SEMA6D: variants seen among roughly 807,000 people sequenced by gnomAD.
SEMA6D encodes semaphorin 6D.
Under a neutral mutation model 106.6 loss-of-function variants are expected in SEMA6D, and 35 were observed. That is an observed-to-expected ratio of 0.33 (90% CI 0.25 to 0.44). The LOEUF (loss-of-function observed/expected upper bound fraction) is 0.44, where lower values mean the gene tolerates loss of function less well. Ranked by LOEUF, SEMA6D falls within the 20% of genes least tolerant of loss-of-function variation. The probability of loss-of-function intolerance (pLI) is 1.00; values close to 1 mark genes in which losing one functional copy is unlikely to be tolerated. For synonymous variants in SEMA6D, 499 were observed against 487.7 expected (o/e 1.02, Z -0.31); for missense variants, 1,185 against 1,345.9 (o/e 0.88, Z 1.87).
intron 3 of SEMA6D, among the ~76,000 whole-genome samples, chr15:47,506,140 G>T (rs2044029566): frequency 6.6e-6 from 1 of 152,154 alleles, no homozygotes; most frequent in African/African-American, 2.4e-5. Flanking sequence ...GCCTCTCAGA[G>T]AGTATAACCC....
intron 1 of SEMA6D, among the ~76,000 whole-genome samples, chr15:47,257,746 G>A (rs1057391922): frequency 3.3e-5 from 5 of 151,534 alleles, no homozygotes; most frequent in African/African-American, 1.2e-4. Flanking sequence ...AAAAAATCCT[G>A]GGTACTCTGC....
rs193008431 is a variant in SEMA6D, at chr15:47,558,051, C to T, written c.-86-42814C>T. 1.5e-3 allele frequency among the ~76,000 whole-genome samples: 232 copies of T among 152,158 alleles called. 1 individual carries two copies. Among genetic ancestry groups the T allele is most frequent in the Non-Finnish European group, 3.0e-3 (201 of 67,992 alleles). On this transcript the variant is annotated intron_variant, in intron 3 of 19. Transcript: ENST00000558014. ...GTGTAAAGCAATCTCACCAGCCGTC[C>T]GTAGACCTCTGATACTCATTACTGG... is the stretch of plus-strand genomic sequence containing the variant.
chr15:47,253,797 G>A (rs1173688387), intron 1 of SEMA6D, among the ~76,000 whole-genome samples: 1 of 152,116 alleles, frequency 6.6e-6, no homozygotes, highest in African/African-American at 2.4e-5. Flanking sequence ...GATTCCTACA[G>A]CTTTTTTCTT....
intron 1 of SEMA6D, among the ~76,000 whole-genome samples, chr15:47,200,460 A>G (rs555744430): frequency 7.9e-5 from 12 of 152,324 alleles, no homozygotes; most frequent in Non-Finnish European, 1.5e-4. Flanking sequence ...GGAACAAAAT[A>G]TGTACTCAAA....
chr15:47,767,203 C>A, intron 17 of SEMA6D, 110 bp downstream of exon 17: 1 of 668,112 alleles, frequency 1.5e-6, no homozygotes, highest in East Asian at 2.9e-5. Flanking sequence ...TTCATTTTTC[C>A]GCTTTGACTC....
intron 2 of SEMA6D, among the ~76,000 whole-genome samples, chr15:47,420,760 A>G (rs1388221334): frequency 3.3e-5 from 5 of 152,166 alleles, no homozygotes; most frequent in African/African-American, 1.2e-4. Flanking sequence ...ATGATCAGTC[A>G]TTCTATGGGA....
intron 1 of SEMA6D, among the ~76,000 whole-genome samples, chr15:47,195,531 A>C (rs1368331965): frequency 6.6e-6 from 1 of 152,094 alleles, no homozygotes; most frequent in Non-Finnish European, 1.5e-5. Context: ...GAAAATCAGA[A>C]AGTTTGCATG....
At chr15:47,536,561 G>C (rs767674691) in intron 3 of SEMA6D, among the ~76,000 whole-genome samples, 12 of 152,120 alleles carry the variant, frequency 7.9e-5, no homozygotes, top group African/African-American at 1.4e-4. Flanking sequence ...TGAGGGTCTA[G>C]GTGTGTACAA....
At chr15:47,416,528 G>C (rs982025944) in intron 2 of SEMA6D, among the ~76,000 whole-genome samples, 1 of 152,112 alleles carries the variant, frequency 6.6e-6, no homozygotes, top group African/African-American at 2.4e-5. Context: ...AATCATCATA[G>C]CAGATCATAC....
At chr15:47,232,722 T>C (rs183343673) in intron 1 of SEMA6D, among the ~76,000 whole-genome samples, 87 of 151,470 alleles carry the variant, frequency 5.7e-4, no homozygotes, top group Admixed American at 1.1e-3. Flanking sequence ...TTTCCATTCA[T>C]ATACTTTGTT....
intron 3 of SEMA6D, among the ~76,000 whole-genome samples, chr15:47,509,599 T>C (rs553680581): frequency 6.6e-6 from 1 of 152,200 alleles, no homozygotes; most frequent in East Asian, 1.9e-4. Context: ...CTACTTTCTA[T>C]CCCAAAACAT....
At chr15:47,690,148 A>G (rs1245435623) in intron 4 of SEMA6D, among the ~76,000 whole-genome samples, 1 of 152,128 alleles carries the variant, frequency 6.6e-6, no homozygotes, top group Non-Finnish European at 1.5e-5. Context: ...CCATTGATGA[A>G]GTTATAGGCA....
intron 1 of SEMA6D, among the ~76,000 whole-genome samples, chr15:47,334,305 T>A (rs55867170): frequency 0.15 from 22,762 of 152,126 alleles, 2,248 homozygotes; most frequent in African/African-American, 0.26. Flanking sequence ...CCCTGAGTTC[T>A]GTGAGCCACT....
chr15:47,497,309 A>G (rs1334405903), intron 3 of SEMA6D, among the ~76,000 whole-genome samples: 1 of 152,002 alleles, frequency 6.6e-6, no homozygotes, highest in African/African-American at 2.4e-5. Context: ...AACAAAAAGG[A>G]AAAACAACAA....
intron 4 of SEMA6D, among the ~76,000 whole-genome samples, chr15:47,629,305 CTAGA>C (rs147407114): frequency 0.032 from 4,875 of 152,008 alleles, 257 homozygotes; most frequent in African/African-American, 0.11. Flanking sequence ...ATCTATGACT[CTAGA>C]AAACTATTGC....
At chr15:47,701,473 G>T (rs1213380138) in intron 4 of SEMA6D, among the ~76,000 whole-genome samples, 1 of 152,066 alleles carries the variant, frequency 6.6e-6, no homozygotes, top group Non-Finnish European at 1.5e-5. Flanking sequence ...TAATAACAAT[G>T]AATTCTATTC....
chr15:47,632,352 A>G (rs757744284), intron 4 of SEMA6D, among the ~76,000 whole-genome samples: 51 of 152,040 alleles, frequency 3.4e-4, no homozygotes, highest in Middle Eastern at 3.4e-3. Flanking sequence ...CAGATCTTCT[A>G]TAGCCTTGTT....
At chr15:47,398,632 G>A (rs192835042) in intron 1 of SEMA6D, among the ~76,000 whole-genome samples, 56 of 152,310 alleles carry the variant, frequency 3.7e-4, no homozygotes, top group African/African-American at 1.3e-3. Context: ...TGGCACGGAA[G>A]AGGGAAGATA....
intron 9 of SEMA6D, among the ~76,000 whole-genome samples, chr15:47,763,473 AGTGTTT>A (rs2082172782): frequency 6.6e-6 from 1 of 152,144 alleles, no homozygotes; most frequent in Non-Finnish European, 1.5e-5. Flanking sequence ...TTCAATTTTT[AGTGTTT>A]CAGTGAAAGC....
Sources: allele counts gnomAD v4.1 joint callset (sites outside exome capture counted in the v4.1 genomes callset), GRCh38; gene constraint gnomAD v4.1.1; transcripts MANE v1.5; gene names NCBI Gene and HGNC (gene_info 2026-07-23, HGNC 2026-07-21).